The following ZNF225 variants were observed in gnomAD, a reference collection of about 807,000 sequenced individuals.
ZNF225 encodes zinc finger protein 225.
In ZNF225, 6 loss-of-function variants were observed where a neutral mutation model predicts 12.0. The observed-to-expected ratio is 0.50, with a 90% CI of 0.27 to 0.98. ZNF225 has a LOEUF of 0.98. ZNF225 is among the 50% of genes least tolerant of loss of function. The pLI is 0.11. For missense variants in ZNF225, 763 were observed against 848.2 expected, an observed-to-expected ratio of 0.90 and a Z score of 1.25; for synonymous variants, 271 against 283.2, an observed-to-expected ratio of 0.96 and a Z score of 0.43.
In ZNF225 at chr19:44,131,033, T is replaced by C. The variant is rs139909498; in HGVS notation, c.419T>C (p.Ile140Thr). Residue 140 changes from isoleucine (I) to threonine (T), a missense_variant, in exon 5 of 5, where the codon ATA becomes ACA. By Grantham distance (89) the Ile-to-Thr change is moderately conservative (BLOSUM62 -1). Coordinates refer to ENST00000262894, the MANE Select transcript of ZNF225 (RefSeq NM_013362.4). ...MPCQVDAGLS[I>T]IHVRQKPSEG... ...TGCCAGGTTGATGCAGGACTATCTA[T>C]AATTCACGTAAGACAGAAACCTTCT... 66 of 1,614,084 alleles carry C rather than the reference T, an allele frequency of 4.1e-5. No homozygotes were observed. The East Asian group carries it at 1.4e-3, about 34-fold the overall frequency.
At chr19:44,111,777 T>C (rs1967836443), upstream of ZNF225, among the ~76,000 whole-genome samples, 1 of 152,244 alleles carries the variant, frequency 6.6e-6, no homozygotes, top group Admixed American at 6.5e-5. Flanking sequence ...AATGGGATTA[T>C]GGACAACAGT....
upstream of ZNF225, chr19:44,111,997 G>T (rs1222782720): frequency 2.6e-5 from 4 of 152,180 alleles, no homozygotes; most frequent in African/African-American, 7.2e-5. Flanking sequence ...AAGAGAAACG[G>T]GTTCCTCCAT....
intron 2 of ZNF225, 55 bp from the exon 3 acceptor site, chr19:44,118,133 C>G (rs1419663651): frequency 5.1e-6 from 8 of 1,573,264 alleles, no homozygotes; most frequent in South Asian, 1.2e-5. Context: ...AGTGCCACCC[C>G]TCTCTCAGTA....
Position 44,132,467 on chromosome 19 carries a change from A to C in ZNF225, c.1853A>C (p.His618Pro). Residue 618 changes from histidine to proline, a missense_variant, in exon 5 of 5, where the codon CAC becomes CCC. His to Pro is a moderately conservative substitution (Grantham distance 77). Transcript: ENST00000262894. ...CAGCTTCATTCCCATCAGAGGGTTC[A>C]CACTGGGGAAAAGCCATACAAATGT... is the stretch of plus-strand genomic sequence containing the variant. ...NSQLHSHQRV[H>P]TGEKPYKCEK... 1 of 1,614,214 alleles carries C rather than the reference A, an allele frequency of 6.2e-7. No individual in the cohort carries two copies. The highest frequency in any genetic ancestry group is 8.5e-7 in the Non-Finnish European group (1 of 1,180,026).
chr19:44,123,873 T>A (rs1172707922), intron 4 of ZNF225, among the ~76,000 whole-genome samples: 4 of 152,158 alleles, frequency 2.6e-5, no homozygotes, highest in Non-Finnish European at 4.4e-5. Flanking sequence ...TTATTTGGAT[T>A]TTCTCGCTTA....
chr19:44,126,881 T>TC lies in ZNF225; in HGVS notation c.236-3966dup, dbSNP rs1370281561. ...ATGCAAACCAAAGGGCCGGTCTCACTCCCACCATGCCCCCACTAACAGCCC... is the reference window on the plus strand; with the variant it reads ...ATGCAAACCAAAGGGCCGGTCTCACTCCCCACCATGCCCCCACTAACAGCCC... On this transcript the variant is annotated intron_variant, in intron 4 of 4. Transcript: ENST00000262894. 2.0e-5 allele frequency among the ~76,000 whole-genome samples: 3 copies of TC among 152,164 alleles called. No individual in the cohort carries two copies. In the East Asian group the frequency reaches 5.8e-4, roughly 29 times the overall value.
chr19:44,121,728 G>C (rs1433124891), intron 4 of ZNF225, among the ~76,000 whole-genome samples: 1 of 152,122 alleles, frequency 6.6e-6, no homozygotes, highest in Non-Finnish European at 1.5e-5. Context: ...GTTTTGATTT[G>C]CATTTCCCTG....
At position 44,133,540 on chromosome 19, in the gene ZNF225, A is replaced by T. The variant is rs921966177; in HGVS notation, c.*805A>T. 6.6e-6 allele frequency: 1 copy of T among 152,160 alleles called. No individual in the cohort carries two copies. Among genetic ancestry groups the T allele is most frequent in the Non-Finnish European group, 1.5e-5 (1 of 68,032 alleles). 9.4% of individuals were successfully genotyped at this position (152,160 alleles called of 1,614,324 possible). On this transcript the variant is annotated 3_prime_UTR_variant, in exon 5 of 5. Transcript: ENST00000262894. ...TTAAGCATAAGTGAAGGAGTGGAAA[A>T]ATCCTGGAGATAGAAATCAAGGGGT...
In ZNF225 at chr19:44,132,414, G is replaced by T; in HGVS notation, c.1800G>T (p.Glu600Asp). The T allele has an allele frequency of 6.2e-7, 1 of 1,614,226 alleles. No individual in the cohort carries two copies. The part of the protein sequence containing the change: ...HGDEKPFKCE[E>D]CGKRFTENSQ... ...ATGAAAAGCCATTCAAATGTGAAGA[G>T]TGTGGGAAGAGATTTACTGAGAATT... The change falls in exon 5 of 5, where the codon GAG (glutamate) becomes GAT (aspartate). Residue 600 changes from glutamate to aspartate, a missense_variant. Physicochemically the swap from Glu to Asp is conservative, Grantham distance 45. Coordinates refer to ENST00000262894, the MANE Select transcript of ZNF225 (RefSeq NM_013362.4).
chr19:44,121,436 A>C (rs1027868339), intron 4 of ZNF225, among the ~76,000 whole-genome samples: 4 of 152,134 alleles, frequency 2.6e-5, no homozygotes, highest in Non-Finnish European at 2.9e-5. Context: ...TGCAATTTTG[A>C]ATTGTGCTGC....
At chr19:44,127,110 T>C (rs995142281) in intron 4 of ZNF225, among the ~76,000 whole-genome samples, 1 of 152,260 alleles carries the variant, frequency 6.6e-6, no homozygotes, top group African/African-American at 2.4e-5. Context: ...TCTTTCTCCT[T>C]GTGGAGTTCC....
chr19:44,123,296 A>G (rs1968087550), intron 4 of ZNF225, among the ~76,000 whole-genome samples: 1 of 152,002 alleles, frequency 6.6e-6, no homozygotes, highest in Admixed American at 6.6e-5. Context: ...TATCACATTT[A>G]TTGACTTGGG....
chr19:44,131,229 T>A lies in ZNF225; in HGVS notation c.615T>A (p.Asn205Lys), dbSNP rs764890743. ...QRVHMGEKLYNCDVCGKEFNQ... is the reference protein window; with the variant it reads ...QRVHMGEKLYKCDVCGKEFNQ... ...TTCACATGGGGGAGAAACTCTATAATTGTGATGTGTGTGGTAAGGAATTCA... is the reference window on the plus strand; with the variant it reads ...TTCACATGGGGGAGAAACTCTATAAATGTGATGTGTGTGGTAAGGAATTCA... Residue 205 changes from asparagine to lysine, a missense_variant, in exon 5 of 5, where the codon AAT becomes AAA. Coordinates refer to ENST00000262894, the MANE Select transcript of ZNF225 (RefSeq NM_013362.4). The A allele has an allele frequency of 2.0e-5, 32 of 1,614,058 alleles. No homozygotes were observed. Among genetic ancestry groups the A allele is most frequent in the African/African-American group, 2.7e-5 (2 of 74,920 alleles).
intron 4 of ZNF225, among the ~76,000 whole-genome samples, chr19:44,121,730 A>G (rs1968061238): frequency 1.3e-5 from 2 of 152,104 alleles, no homozygotes; most frequent in Non-Finnish European, 1.5e-5. Context: ...TTTGATTTGC[A>G]TTTCCCTGAT....
Position 44,132,815 on chromosome 19 carries a change from C to T in ZNF225, c.*80C>T. ...GTAATGATCAAATCAGTGTAATTAA[C>T]ATACCTATCACCTCAAACATTTATC... is the stretch of plus-strand genomic sequence containing the variant. On this transcript the variant is annotated 3_prime_UTR_variant, in exon 5 of 5. Coordinates refer to ENST00000262894, the MANE Select transcript of ZNF225 (RefSeq NM_013362.4). 8.5e-7 allele frequency: 1 copy of T among 1,170,034 alleles called. No individual in the cohort carries two copies. The highest frequency in any genetic ancestry group is 1.2e-6 in the Non-Finnish European group (1 of 848,774). 72.5% of individuals were successfully genotyped at this position (1,170,034 alleles called of 1,614,324 possible). A position where few individuals can be genotyped will look rare whatever the true frequency, so the allele number is the denominator to read the frequency against.
At chr19:44,114,730 C>T (rs1281734893) in intron 1 of ZNF225, among the ~76,000 whole-genome samples, 15 of 152,194 alleles carry the variant, frequency 9.9e-5, no homozygotes, top group Admixed American at 9.2e-4. Context: ...AGGCTGGTCT[C>T]AGACTCCTGA....
chr19:44,124,334 CTTGGAG>C (rs1314964946), intron 4 of ZNF225, among the ~76,000 whole-genome samples: 1 of 152,088 alleles, frequency 6.6e-6, no homozygotes, highest in Non-Finnish European at 1.5e-5. Flanking sequence ...GAAGGTTCCT[CTTGGAG>C]TTGATTTCCA....
In ZNF225 at chr19:44,131,748, A is replaced by G; in HGVS notation, c.1134A>G (p.Gly378=). 1.2e-6 allele frequency: 2 copies of G among 1,614,212 alleles called. No homozygotes were observed. Among genetic ancestry groups the G allele is most frequent in the South Asian group, 2.2e-5 (2 of 91,086 alleles). Residue 378 remains glycine (G), a synonymous_variant, in exon 5 of 5, where the codon GGA becomes GGG. Transcript: ENST00000262894. The part of the protein sequence containing the change: ...GEKPYNCKEC[G]KSFRWASGLS... ...AGCCATATAATTGTAAAGAATGTGG[A>G]AAGAGCTTCAGATGGGCCTCAGGTC...
In ZNF225 at chr19:44,115,937, T is replaced by C. The variant is rs184258197; in HGVS notation, c.15+95T>C. On this transcript the variant is annotated intron_variant, in intron 2 of 4. Coordinates refer to ENST00000262894, the MANE Select transcript of ZNF225 (RefSeq NM_013362.4). The stretch of plus-strand genomic sequence containing the variant: ...AGTGCAGTGGCCTGATTTTGGCTCA[T>C]TGCAACCTCCACCTCCGGAGTTCAA... 2.1e-5 allele frequency: 27 copies of C among 1,289,664 alleles called. No homozygotes were observed. The East Asian group carries it at 5.3e-4, about 25-fold the overall frequency. The allele number at this position is 1,289,664 out of a possible 1,614,324, so 79.9% of individuals were successfully genotyped here.
Sources: gnomAD v4.1 joint callset for allele counts (sites outside exome capture counted in the v4.1 genomes callset) on GRCh38, gnomAD v4.1.1 for gene constraint, MANE v1.5 for transcripts, NCBI Gene and HGNC (gene_info 2026-07-23, HGNC 2026-07-21) for gene names.